CENPE: variants seen among roughly 807,000 people sequenced by gnomAD.
The protein encoded by CENPE is centromere-associated protein E.
Under a neutral mutation model 336.1 loss-of-function variants are expected in CENPE, and 145 were observed. The ratio of observed to expected loss-of-function variants is 0.43; its 90% CI spans 0.38 to 0.50. The LOEUF is 0.50. Ranked by LOEUF, CENPE falls within the 20% of genes least tolerant of loss-of-function variation. The probability of loss-of-function intolerance (pLI) is 0.00; values close to 1 mark genes in which losing one functional copy is unlikely to be tolerated. For missense variants in CENPE, 2,719 were observed against 3,023.3 expected (o/e 0.90, Z 2.36); for synonymous variants, 1,013 against 984.8 (o/e 1.03, Z -0.54).
intron 14 of CENPE, 126 bp downstream of exon 14, chr4:103,176,773 T>C (rs1015342869): frequency 2.9e-6 from 2 of 690,118 alleles, no homozygotes; most frequent in East Asian, 3.2e-5. Context: ...TAGTCTCCAT[T>C]GTAATCACAT....
chr4:103,149,969 T>C (rs1578613488), intron 26 of CENPE, among the ~76,000 whole-genome samples: 1 of 152,186 alleles, frequency 6.6e-6, no homozygotes. Flanking sequence ...AGGAAACTGA[T>C]ACAGGCTGAT....
chr4:103,172,266 G>A (rs1002256785), intron 16 of CENPE, among the ~76,000 whole-genome samples: 5 of 151,890 alleles, frequency 3.3e-5, no homozygotes, highest in African/African-American at 9.7e-5. Context: ...ATGAACAAGT[G>A]GGATTTATCC....
At chr4:103,142,254 T>C (rs1264958741) in intron 34 of CENPE, among the ~76,000 whole-genome samples, 3 of 152,224 alleles carry the variant, frequency 2.0e-5, no homozygotes, top group Non-Finnish European at 4.4e-5. Flanking sequence ...ACGTTGTGTT[T>C]GTATATACAC....
At chr4:103,179,069 C>G (rs932339259) in intron 13 of CENPE, among the ~76,000 whole-genome samples, 4 of 152,164 alleles carry the variant, frequency 2.6e-5, no homozygotes, top group Admixed American at 6.5e-5. Context: ...TTAACTCAAC[C>G]AATATTGTTA....
Position 103,195,960 on chromosome 4 carries a change from A to T in CENPE, c.317T>A (p.Ile106Lys). Residue 106 changes from isoleucine to lysine, a missense_variant, in exon 4 of 49, where the codon ATA becomes AAA. By Grantham distance (102) the Ile-to-Lys change is moderately radical (BLOSUM62 -3). Coordinates refer to ENST00000265148, the MANE Select transcript of CENPE (RefSeq NM_001813.3). ...MMGSEDHLGVIPRAIHDIFQK... is the reference protein window; with the variant it reads ...MMGSEDHLGVKPRAIHDIFQK... ...GAAAATGTCATGAATTGCCCTGGGT[A>T]TAACTCCCAAATGATCTTCTGAACC... 1 of 1,613,778 alleles carries T rather than the reference A, an allele frequency of 6.2e-7. No homozygotes were observed.
intron 24 of CENPE, among the ~76,000 whole-genome samples, chr4:103,154,178 A>G (rs1291194358): frequency 6.6e-6 from 1 of 152,128 alleles, no homozygotes; most frequent in African/African-American, 2.4e-5. Flanking sequence ...TAATCACATT[A>G]GAAAACAATA....
At chr4:103,145,472 C>T (rs1041555465) in intron 31 of CENPE, 51 bp downstream of exon 31, 11 of 1,504,652 alleles carry the variant, frequency 7.3e-6, no homozygotes, top group Admixed American at 6.0e-5. Context: ...ATTCAGTTAG[C>T]TACTCCAAAC....
In CENPE at chr4:103,140,432, A is replaced by T; in HGVS notation, c.5755-18T>A. ...TCCAGATCCTTTATGGTTAGAAGAAATCAAGAAATGTAATGATATAAAGGC... is the reference window on the plus strand; with the variant it reads ...TCCAGATCCTTTATGGTTAGAAGAATTCAAGAAATGTAATGATATAAAGGC... On this transcript the variant is annotated intron_variant, in intron 36 of 48. Transcript: ENST00000265148. 1 of 1,523,712 alleles carries T rather than the reference A, an allele frequency of 6.6e-7. No homozygotes were observed. Among genetic ancestry groups the T allele is most frequent in the Non-Finnish European group, 8.8e-7 (1 of 1,132,904 alleles). 94.4% of individuals were successfully genotyped at this position (1,523,712 alleles called of 1,614,324 possible).
At chr4:103,141,229 C>G (rs1426696963) in intron 35 of CENPE, 125 bp from the exon 36 acceptor site, 5 of 602,356 alleles carry the variant, frequency 8.3e-6, no homozygotes, top group Non-Finnish European at 1.4e-5. Context: ...CAATTCCACA[C>G]AGAATTTTAC....
In CENPE at chr4:103,163,620, A is replaced by T. The variant is rs562249709; in HGVS notation, c.1648-67T>A. 17 of 777,984 alleles carry T rather than the reference A, an allele frequency of 2.2e-5. No homozygotes were observed. In the South Asian group the frequency reaches 3.6e-4, roughly 17 times the overall value. The allele number at this position is 777,984 out of a possible 1,614,324, so 48.2% of individuals were successfully genotyped here. A position where few individuals can be genotyped will look rare whatever the true frequency, so the allele number is the denominator to read the frequency against. On this transcript the variant is annotated intron_variant, in intron 16 of 48. Coordinates refer to ENST00000265148, the MANE Select transcript of CENPE (RefSeq NM_001813.3). ...TAATAAAGCAAAGCAAAAAAAAAAA[A>T]AAAAAGAAAAAGAAAAAAAAGGGCA...
chr4:103,174,794 T>G lies in CENPE; in HGVS notation c.1589A>C (p.Glu530Ala). 6.4e-7 allele frequency: 1 copy of G among 1,554,082 alleles called. No homozygotes were observed. The change falls in exon 16 of 49, where the codon GAA becomes GCA. Residue 530 changes from glutamate to alanine, a missense_variant. Glu to Ala is a moderately radical substitution (Grantham distance 107, BLOSUM62 -1). Transcript: ENST00000265148. ...EKEEMELKLKEKNDLDEFEAL... is the reference protein window; with the variant it reads ...EKEEMELKLKAKNDLDEFEAL... ...CTCAAATTCATCCAAATCATTCTTTTCTTTTAATTTCAATTCCATTTCTTC... is the reference window on the plus strand; with the variant it reads ...CTCAAATTCATCCAAATCATTCTTTGCTTTTAATTTCAATTCCATTTCTTC...
chr4:103,143,449 C>T lies in CENPE; in HGVS notation c.5146-43G>A, dbSNP rs772411373. On this transcript the variant is annotated intron_variant, in intron 33 of 48. Coordinates refer to ENST00000265148, the MANE Select transcript of CENPE (RefSeq NM_001813.3). Reference sequence around the variant, plus strand: ...TAAAAATAATACATTGAGAGTAGTACCATCCACATGCTATAGAAAGGTATA... The same window carrying T: ...TAAAAATAATACATTGAGAGTAGTATCATCCACATGCTATAGAAAGGTATA... 4 of 1,280,876 alleles carry T rather than the reference C, an allele frequency of 3.1e-6. No individual in the cohort carries two copies. The South Asian group carries it at 4.9e-5, about 16-fold the overall frequency. 79.3% of individuals were successfully genotyped at this position (1,280,876 alleles called of 1,614,324 possible).
rs1006097138 is a variant in CENPE at position 103,114,636 on chromosome 4, C to T, written c.7443-84G>A. 25 of 797,534 alleles carry T rather than the reference C, an allele frequency of 3.1e-5. No homozygotes were observed. The African/African-American group carries it at 3.6e-4, about 11-fold the overall frequency. The allele number at this position is 797,534 out of a possible 1,614,324, so 49.4% of individuals were successfully genotyped here. A position where few individuals can be genotyped will look rare whatever the true frequency, so the allele number is the denominator to read the frequency against. ...AAACAGAACTGCTGTGAAGGATTTT[C>T]TAACACATCACATTGACATAATGCC... On this transcript the variant is annotated intron_variant, in intron 45 of 48. Transcript: ENST00000265148.
chr4:103,169,555 T>C (rs1040281410), intron 16 of CENPE, among the ~76,000 whole-genome samples: 4 of 152,076 alleles, frequency 2.6e-5, no homozygotes, highest in Non-Finnish European at 4.4e-5. Context: ...GCAAATAACA[T>C]AGAAGGGAGT....
In CENPE at chr4:103,181,322, A is replaced by G. The variant is rs1756309653; in HGVS notation, c.1083+15T>C. ...TGGTTCTTTCAATTTAATGAAATAA[A>G]TGATTCATACATACCTCCTCTAATT... On this transcript the variant is annotated intron_variant, in intron 12 of 48. Coordinates refer to ENST00000265148, the MANE Select transcript of CENPE (RefSeq NM_001813.3). 1 of 1,465,998 alleles carries G rather than the reference A, an allele frequency of 6.8e-7. No individual in the cohort carries two copies. The highest frequency in any genetic ancestry group is 2.5e-5 in the East Asian group (1 of 39,322). The allele number at this position is 1,465,998 out of a possible 1,614,324, so 90.8% of individuals were successfully genotyped here.
chr4:103,123,826 C>T (rs554605349), intron 42 of CENPE, among the ~76,000 whole-genome samples: 170 of 152,214 alleles, frequency 1.1e-3, no homozygotes, highest in African/African-American at 3.9e-3. Context: ...CCCTTTACTG[C>T]AAGTAAGATT....
Position 103,158,758 on chromosome 4 carries a change from T to C in CENPE, c.2730A>G (p.Lys910=). 1.2e-6 allele frequency: 2 copies of C among 1,613,302 alleles called. No individual in the cohort carries two copies. The highest frequency in any genetic ancestry group is 1.3e-5 in the African/African-American group (1 of 75,020). The change falls in exon 23 of 49, where the codon AAA becomes AAG. Residue 910 remains lysine (K), a synonymous_variant. Transcript: ENST00000265148. ...DSTLQTVERE[K]TLITEKLQQT... Reference sequence around the variant, plus strand: ...GCTGCAGTTTCTCAGTAATCAGTGTTTTCTCCCTTTCTACAGTTTGCAGCG... The same window carrying C: ...GCTGCAGTTTCTCAGTAATCAGTGTCTTCTCCCTTTCTACAGTTTGCAGCG...
intron 16 of CENPE, among the ~76,000 whole-genome samples, chr4:103,171,929 A>C (rs1350940346): frequency 9.9e-5 from 15 of 151,972 alleles, no homozygotes; most frequent in Admixed American, 9.8e-4. Flanking sequence ...ATAAATAGAA[A>C]ACCTGAACAG....
chr4:103,128,117 T>C (rs1751284390), intron 42 of CENPE, among the ~76,000 whole-genome samples: 1 of 149,398 alleles, frequency 6.7e-6, no homozygotes, highest in Non-Finnish European at 1.5e-5. Flanking sequence ...AGAGATGAAG[T>C]AGTGATATTA....
Sources: allele counts gnomAD v4.1 joint callset (sites outside exome capture counted in the v4.1 genomes callset), GRCh38; gene constraint gnomAD v4.1.1; transcripts MANE v1.5; gene names NCBI Gene and HGNC (gene_info 2026-07-23, HGNC 2026-07-21).